Variants in HS6ST3 observed in about 807,000 individuals in gnomAD.
The protein encoded by HS6ST3 is heparan-sulfate 6-O-sulfotransferase 3.
A neutral mutation model predicts 36.7 loss-of-function variants in HS6ST3; 12 were observed. That is an observed-to-expected ratio of 0.33 (90% CI 0.21 to 0.53). HS6ST3 has a LOEUF of 0.53. HS6ST3 is among the 20% of genes least tolerant of loss of function. The pLI, the probability that HS6ST3 is intolerant of heterozygous loss-of-function variation, is 0.95. For synonymous variants in HS6ST3, 240 were observed against 257.5 expected (o/e 0.93, Z 0.65); for missense variants, 584 against 640.9 (o/e 0.91, Z 0.96).
chr13:96,565,690 AG>A (rs1271755963), intron 1 of HS6ST3, among the ~76,000 whole-genome samples: 6 of 152,170 alleles, frequency 3.9e-5, no homozygotes, highest in African/African-American at 1.4e-4. Context: ...GTGGCTCCAA[AG>A]GAGAGACTTT....
intron 1 of HS6ST3, among the ~76,000 whole-genome samples, chr13:96,765,546 C>T (rs1351033564): frequency 6.6e-6 from 1 of 151,264 alleles, no homozygotes; most frequent in East Asian, 2.0e-4. Flanking sequence ...GAGTGCAGTT[C>T]TTGAAAGTTT....
At chr13:96,648,388 A>G (rs2056596026) in intron 1 of HS6ST3, among the ~76,000 whole-genome samples, 1 of 150,994 alleles carries the variant, frequency 6.6e-6, no homozygotes, top group Admixed American at 6.6e-5. Context: ...CCTTGGTCCT[A>G]TTTTTTCTCT....
intron 1 of HS6ST3, among the ~76,000 whole-genome samples, chr13:96,829,484 C>A (rs904078731): frequency 6.6e-6 from 1 of 151,946 alleles, no homozygotes; most frequent in Non-Finnish European, 1.5e-5. Flanking sequence ...CTCCTCGCAC[C>A]CCCCAACTTC....
intron 1 of HS6ST3, among the ~76,000 whole-genome samples, chr13:96,475,496 G>A (rs1460048275): frequency 2.0e-5 from 3 of 151,616 alleles, no homozygotes; most frequent in African/African-American, 7.3e-5. Flanking sequence ...TTATTTCCCT[G>A]GAAACGTCTG....
At chr13:96,439,958 C>A (rs1392207483) in intron 1 of HS6ST3, among the ~76,000 whole-genome samples, 1 of 152,230 alleles carries the variant, frequency 6.6e-6, no homozygotes, top group African/African-American at 2.4e-5. Flanking sequence ...ATAGAACTCT[C>A]TTCTAAGTAT....
intron 1 of HS6ST3, among the ~76,000 whole-genome samples, chr13:96,538,978 T>C (rs1273360702): frequency 6.6e-6 from 1 of 152,214 alleles, no homozygotes; most frequent in Non-Finnish European, 1.5e-5. Flanking sequence ...GTTTTTCACG[T>C]GATCTCAACA....
intron 1 of HS6ST3, among the ~76,000 whole-genome samples, chr13:96,668,080 A>G (rs1036484695): frequency 6.6e-6 from 1 of 152,112 alleles, no homozygotes; most frequent in Admixed American, 6.5e-5. Context: ...AATCTTCACA[A>G]CAGCTCTTTG....
At chr13:96,789,945 G>A (rs1877742813) in intron 1 of HS6ST3, among the ~76,000 whole-genome samples, 1 of 151,712 alleles carries the variant, frequency 6.6e-6, no homozygotes, top group African/African-American at 2.4e-5. Flanking sequence ...AAATCTGTAA[G>A]TTTGTTTCCT....
chr13:96,752,182 CT>C (rs1338848131), intron 1 of HS6ST3, among the ~76,000 whole-genome samples: 3 of 152,010 alleles, frequency 2.0e-5, no homozygotes, highest in Admixed American at 6.6e-5. Flanking sequence ...TTCAGATATG[CT>C]GGTATCATTC....
intron 1 of HS6ST3, among the ~76,000 whole-genome samples, chr13:96,271,719 C>T (rs1006039677): frequency 6.6e-6 from 1 of 152,034 alleles, no homozygotes; most frequent in African/African-American, 2.4e-5. Flanking sequence ...CTCCCAATCT[C>T]AGTGGGAATT....
At chr13:96,520,803 T>C (rs182545213) in intron 1 of HS6ST3, among the ~76,000 whole-genome samples, 1 of 152,210 alleles carries the variant, frequency 6.6e-6, no homozygotes, top group Non-Finnish European at 1.5e-5. Flanking sequence ...CAGAAACAAT[T>C]TGACTTTCTC....
At chr13:96,826,076 A>G (rs1480896981) in intron 1 of HS6ST3, among the ~76,000 whole-genome samples, 1 of 152,252 alleles carries the variant, frequency 6.6e-6, no homozygotes, top group Admixed American at 6.5e-5. Flanking sequence ...GCTCAGTGAA[A>G]CATAGGTTCT....
At position 96,379,961 on chromosome 13, in the gene HS6ST3, T is replaced by C. The variant is rs112444656; in HGVS notation, c.707+288392T>C. Among the ~76,000 whole-genome samples, 718 of 152,328 alleles carry C rather than the reference T, an allele frequency of 4.7e-3. 2 individuals carry two copies. The highest frequency in any genetic ancestry group is 0.01 in the Middle Eastern group (3 of 294). ...GAAGAAATTCTAAAACCAGTTTCTA[T>C]TAAAATGATAAGATGTTTGGGGTTT... On this transcript the variant is annotated intron_variant, in intron 1 of 1. Transcript: ENST00000376705.
At chr13:96,712,064 A>AT (rs1875577162) in intron 1 of HS6ST3, among the ~76,000 whole-genome samples, 2 of 152,202 alleles carry the variant, frequency 1.3e-5, no homozygotes, top group Non-Finnish European at 2.9e-5. Flanking sequence ...GGGATAACAG[A>AT]TGCTTTTCTC....
chr13:96,669,376 A>C (rs766358243), intron 1 of HS6ST3, among the ~76,000 whole-genome samples: 18 of 152,106 alleles, frequency 1.2e-4, no homozygotes, highest in Non-Finnish European at 2.1e-4. Context: ...CCCTCCAGGA[A>C]AGACATGTCT....
At chr13:96,805,632 AC>A (rs1320859468) in intron 1 of HS6ST3, among the ~76,000 whole-genome samples, 1 of 152,176 alleles carries the variant, frequency 6.6e-6, no homozygotes, top group African/African-American at 2.4e-5. Context: ...CCCATCTTAA[AC>A]CCTATGAGCT....
chr13:96,527,300 T>G (rs569035598), intron 1 of HS6ST3, among the ~76,000 whole-genome samples: 1 of 151,912 alleles, frequency 6.6e-6, no homozygotes, highest in East Asian at 1.9e-4. Context: ...CTCTCCTTTA[T>G]TCATTTAAAA....
intron 1 of HS6ST3, among the ~76,000 whole-genome samples, chr13:96,830,000 A>G (rs1041678047): frequency 1.3e-5 from 2 of 152,000 alleles, no homozygotes; most frequent in African/African-American, 4.8e-5. Context: ...AATAATGAGA[A>G]TACCATAGGC....
chr13:96,251,968 A>G (rs562748255), intron 1 of HS6ST3, among the ~76,000 whole-genome samples: 21 of 152,148 alleles, frequency 1.4e-4, no homozygotes, highest in Non-Finnish European at 2.9e-4. Context: ...GGTTTTTAGT[A>G]TATAATCTAT....
Sources: allele counts gnomAD v4.1 joint callset (sites outside exome capture counted in the v4.1 genomes callset), GRCh38; gene constraint gnomAD v4.1.1; transcripts MANE v1.5; gene names NCBI Gene and HGNC (gene_info 2026-07-23, HGNC 2026-07-21).